CMPK2: variants seen among roughly 807,000 people sequenced by gnomAD.
CMPK2 encodes the protein cytidine/uridine monophosphate kinase 2.
CMPK2 carries 32 observed loss-of-function variants against 33.4 expected under a neutral mutation model. That is an observed-to-expected ratio of 0.96 (90% confidence interval 0.72 to 1.29). CMPK2 has a LOEUF of 1.29. Among genes scored for constraint, CMPK2 ranks in the 50% most tolerant of loss-of-function variants. The probability of loss-of-function intolerance (pLI) is 0.00; values close to 1 mark genes in which losing one functional copy is unlikely to be tolerated. For missense variants in CMPK2, 672 were observed against 616.0 expected (o/e 1.09, Z -0.96); for synonymous variants, 299 against 275.3 (o/e 1.09, Z -0.85).
At chr2:6,859,978 G>C (rs1039241550) in intron 3 of CMPK2, among the ~76,000 whole-genome samples, 5 of 152,218 alleles carry the variant, frequency 3.3e-5, no homozygotes, top group African/African-American at 1.2e-4. Flanking sequence ...AGCTGTCCAA[G>C]ACCATGAGGA....
At chr2:6,862,123 TAA>T (rs1450800788) in intron 2 of CMPK2, 6 of 152,256 alleles carry the variant, frequency 3.9e-5, no homozygotes, top group Non-Finnish European at 8.8e-5. Context: ...GATTTATTTT[TAA>T]GTTTCTCTAT....
At chr2:6,854,246 ATTATC>A (rs1662619119) in intron 3 of CMPK2, among the ~76,000 whole-genome samples, 1 of 152,194 alleles carries the variant, frequency 6.6e-6, no homozygotes. Flanking sequence ...AGAGTCTGAT[ATTATC>A]TTATTTTTAA....
chr2:6,840,705 T>C (rs1372167528), intron 3 of CMPK2: 1 of 701,474 alleles, frequency 1.4e-6, no homozygotes, highest in East Asian at 2.7e-5. Context: ...AGAGGAAAAA[T>C]CCTTCACCAG....
Position 6,849,692 on chromosome 2 carries a change from T to G in CMPK2, c.*158A>C. On this transcript the variant is annotated 3_prime_UTR_variant, in exon 5 of 5. Coordinates refer to ENST00000256722, the MANE Select transcript of CMPK2 (RefSeq NM_207315.4). Reference sequence around the variant, plus strand: ...GACGGGTCCATCAGTCAGAAGAGGGTACGATGGCTGAAGTAAAATTAAGAT... The same window carrying G: ...GACGGGTCCATCAGTCAGAAGAGGGGACGATGGCTGAAGTAAAATTAAGAT... 2 of 1,492,388 alleles carry G rather than the reference T, an allele frequency of 1.3e-6. No homozygotes were observed. The highest frequency in any genetic ancestry group is 2.4e-5 in the East Asian group (1 of 41,450). The allele number at this position is 1,492,388 out of a possible 1,614,324, so 92.4% of individuals were successfully genotyped here.
chr2:6,846,348 C>A (rs1053895373), downstream of CMPK2, among the ~76,000 whole-genome samples: 2 of 152,088 alleles, frequency 1.3e-5, no homozygotes, highest in African/African-American at 2.4e-5. Flanking sequence ...AAAGATCCTC[C>A]CATATGGTGC....
In CMPK2 at chr2:6,851,589, G is replaced by A. The variant is rs372816766; in HGVS notation, c.1087C>T (p.Pro363Ser). ...AGGTCAGGTTTGAGCAGGTCCTCTGGCCACTGGTACACAGGGTGATGGGCT... is the reference window on the plus strand; with the variant it reads ...AGGTCAGGTTTGAGCAGGTCCTCTGACCACTGGTACACAGGGTGATGGGCT... ...PPAHHPVYQW[P>S]EDLLKPDLIL... Residue 363 changes from proline (P) to serine (S), a missense_variant, in exon 4 of 5, where the codon CCA becomes TCA. Physicochemically the swap from Pro to Ser is moderately conservative, Grantham distance 74. Transcript: ENST00000256722. 1.9e-6 allele frequency: 3 copies of A among 1,614,190 alleles called. No homozygotes were observed.
At chr2:6,858,286 G>A (rs1558325427) in intron 3 of CMPK2, among the ~76,000 whole-genome samples, 3 of 151,860 alleles carry the variant, frequency 2.0e-5, no homozygotes, top group Non-Finnish European at 4.4e-5. Flanking sequence ...ATCTAGTGGA[G>A]GGTTAGCCGT....
chr2:6,863,622 T>A, intron 1 of CMPK2, 44 bp from the exon 2 acceptor site: 1 of 1,462,688 alleles, frequency 6.8e-7, no homozygotes, highest in Non-Finnish European at 9.5e-7. Context: ...CCAGGGGGCT[T>A]TTGCAGAAAT....
At chr2:6,856,409 G>T (rs1470680690) in intron 3 of CMPK2, among the ~76,000 whole-genome samples, 1 of 152,192 alleles carries the variant, frequency 6.6e-6, no homozygotes, top group African/African-American at 2.4e-5. Flanking sequence ...GGTGGGGGCA[G>T]AACAGGGGTG....
chr2:6,857,877 C>T (rs547289704), intron 3 of CMPK2, among the ~76,000 whole-genome samples: 17 of 149,986 alleles, frequency 1.1e-4, no homozygotes, highest in East Asian at 6.0e-4. Flanking sequence ...CCTCATGATC[C>T]GCCCACCTCA....
At chr2:6,846,348 C>T (rs1053895373), downstream of CMPK2, among the ~76,000 whole-genome samples, 1 of 152,088 alleles carries the variant, frequency 6.6e-6, no homozygotes, top group South Asian at 2.1e-4. Context: ...AAAGATCCTC[C>T]CATATGGTGC....
chr2:6,863,322 G>A, intron 2 of CMPK2, 142 bp downstream of exon 2: 1 of 649,734 alleles, frequency 1.5e-6, no homozygotes, highest in Non-Finnish European at 2.7e-6. Flanking sequence ...TGCATCCCAG[G>A]GCCTGCCTAG....
downstream of CMPK2, among the ~76,000 whole-genome samples, chr2:6,845,514 T>C (rs180673540): frequency 8.3e-4 from 126 of 152,276 alleles, no homozygotes; most frequent in Non-Finnish European, 5.0e-4. Context: ...TGCCGCCCCA[T>C]GGATGCAAGC....
chr2:6,862,168 T>C (rs984364963), intron 2 of CMPK2: 4 of 152,240 alleles, frequency 2.6e-5, no homozygotes. Flanking sequence ...CAACTATCTA[T>C]TTTCTTTTTT....
chr2:6,852,856 C>T (rs1049465256), intron 3 of CMPK2, among the ~76,000 whole-genome samples: 2 of 152,174 alleles, frequency 1.3e-5, no homozygotes, highest in Non-Finnish European at 2.9e-5. Context: ...TATAAAAGGA[C>T]CATCACTCAC....
chr2:6,862,935 C>T (rs553304814), intron 2 of CMPK2, among the ~76,000 whole-genome samples: 1 of 152,296 alleles, frequency 6.6e-6, no homozygotes, highest in South Asian at 2.1e-4. Context: ...ACTTTGGTCT[C>T]ATGTGAGCAC....
At position 6,849,449 on chromosome 2, in the gene CMPK2, T is replaced by A; in HGVS notation, c.*401A>T. On this transcript the variant is annotated 3_prime_UTR_variant, in exon 5 of 5. Coordinates refer to ENST00000256722, the MANE Select transcript of CMPK2 (RefSeq NM_207315.4). ...TGGGCATGTCACGATCTCATCAGCA[T>A]GCCAGTGTAGGAGAAGCAGAGGCTC... is the stretch of plus-strand genomic sequence containing the variant. The A allele has an allele frequency of 9.9e-7, 1 of 1,012,690 alleles. No individual in the cohort carries two copies. Among genetic ancestry groups the A allele is most frequent in the Non-Finnish European group, 1.2e-6 (1 of 848,092 alleles). The allele number at this position is 1,012,690 out of a possible 1,614,324, so 62.7% of individuals were successfully genotyped here.
chr2:6,849,479 G>GT lies in CMPK2; in HGVS notation c.*370dup. 1 of 1,023,966 alleles carries GT rather than the reference G, an allele frequency of 9.8e-7. No individual in the cohort carries two copies. The highest frequency in any genetic ancestry group is 1.2e-6 in the Non-Finnish European group (1 of 855,168). The allele number at this position is 1,023,966 out of a possible 1,614,324, so 63.4% of individuals were successfully genotyped here. A position where few individuals can be genotyped will look rare whatever the true frequency, so the allele number is the denominator to read the frequency against. ...GTGTAGGAGAAGCAGAGGCTCCGGG[G>GT]TCTCCCTGCTGATCTGGAAGATCTT... On this transcript the variant is annotated 3_prime_UTR_variant, in exon 5 of 5. Coordinates refer to ENST00000256722, the MANE Select transcript of CMPK2 (RefSeq NM_207315.4).
intron 4 of CMPK2, 52 bp downstream of exon 4, chr2:6,851,398 T>C (rs1290363935): frequency 3.7e-6 from 6 of 1,611,520 alleles, no homozygotes; most frequent in Non-Finnish European, 5.1e-6. Flanking sequence ...CAGTGGTTCA[T>C]CTCCCTTCAG....
Sources: allele counts gnomAD v4.1 joint callset (sites outside exome capture counted in the v4.1 genomes callset), GRCh38; gene constraint gnomAD v4.1.1; transcripts MANE v1.5; gene names NCBI Gene and HGNC (gene_info 2026-07-23, HGNC 2026-07-21).